The following ARFGEF2 variants were observed in gnomAD, a reference collection of about 807,000 sequenced individuals.
ARFGEF2 encodes ARF guanine nucleotide exchange factor 2, also known as brefeldin A-inhibited guanine nucleotide-exchange protein 2.
A neutral mutation model predicts 219.9 loss-of-function variants in ARFGEF2; 74 were observed. The observed-to-expected ratio is 0.34, with a 90% CI of 0.28 to 0.41. The LOEUF (loss-of-function observed/expected upper bound fraction) is 0.41, where lower values mean the gene tolerates loss of function less well. Among genes scored for constraint, ARFGEF2 ranks in the 10% least tolerant of loss-of-function variants. ARFGEF2 has a pLI of 1.00. For missense variants in ARFGEF2, 1,743 were observed against 2,218.3 expected (o/e 0.79, Z 4.30); for synonymous variants, 733 against 799.2 (o/e 0.92, Z 1.40).
intron 3 of ARFGEF2, among the ~76,000 whole-genome samples, chr20:48,943,176 A>G (rs2091004797): frequency 6.6e-6 from 1 of 152,236 alleles, no homozygotes; most frequent in Non-Finnish European, 1.5e-5. Context: ...GAGTGAAACA[A>G]GGAGGCATAG....
intron 6 of ARFGEF2, among the ~76,000 whole-genome samples, chr20:48,959,381 A>G (rs1409219472): frequency 7.8e-6 from 1 of 127,952 alleles, no homozygotes; most frequent in Non-Finnish European, 1.7e-5. Context: ...AGATGTCATG[A>G]TAAGTGAACC....
At chr20:49,024,108 A>G (rs1428380179) in intron 35 of ARFGEF2, among the ~76,000 whole-genome samples, 1 of 152,100 alleles carries the variant, frequency 6.6e-6, no homozygotes, top group East Asian at 1.9e-4. Context: ...AGTAGCTGGG[A>G]CTACAGGCAC....
At chr20:48,968,141 C>T (rs1799963269) in intron 8 of ARFGEF2, among the ~76,000 whole-genome samples, 1 of 151,542 alleles carries the variant, frequency 6.6e-6, no homozygotes, top group South Asian at 2.1e-4. Flanking sequence ...CTACAGGTGC[C>T]CACCACCACG....
intron 9 of ARFGEF2, among the ~76,000 whole-genome samples, chr20:48,970,873 T>C (rs186681467): frequency 6.6e-6 from 1 of 152,170 alleles, no homozygotes; most frequent in African/African-American, 2.4e-5. Context: ...GTTGACACTT[T>C]GCTCCTGCTG....
intron 34 of ARFGEF2, among the ~76,000 whole-genome samples, chr20:49,022,428 AC>A (rs915731381): frequency 7.0e-6 from 1 of 142,434 alleles, no homozygotes; most frequent in Non-Finnish European, 1.6e-5. Context: ...AACAACAACA[AC>A]AAAAAAAAAA....
At chr20:48,982,482 G>A (rs1234708086) in intron 14 of ARFGEF2, among the ~76,000 whole-genome samples, 1 of 152,174 alleles carries the variant, frequency 6.6e-6, no homozygotes, top group Non-Finnish European at 1.5e-5. Context: ...GAGGAGGCAG[G>A]CTGTTCTCAG....
chr20:48,950,979 A>G (rs1304866431), intron 3 of ARFGEF2, among the ~76,000 whole-genome samples: 1 of 151,146 alleles, frequency 6.6e-6, no homozygotes, highest in African/African-American at 2.4e-5. Context: ...ATCACTCCCT[A>G]TGTCTCCCTA....
At chr20:48,992,739 A>G (rs976924732) in intron 21 of ARFGEF2, among the ~76,000 whole-genome samples, 6 of 152,186 alleles carry the variant, frequency 3.9e-5, no homozygotes, top group African/African-American at 1.4e-4. Context: ...TGAGTAGTCC[A>G]TGTTAGAAAT....
intron 15 of ARFGEF2, 87 bp downstream of exon 15, chr20:48,984,927 C>CCTA: frequency 5.0e-6 from 8 of 1,602,766 alleles, no homozygotes; most frequent in Non-Finnish European, 6.0e-6. Context: ...ATTGTCTGGC[C>CCTA]CTAAGTACAT....
intron 1 of ARFGEF2, among the ~76,000 whole-genome samples, chr20:48,938,864 A>G (rs1326318425): frequency 6.6e-6 from 1 of 151,764 alleles, no homozygotes; most frequent in African/African-American, 2.4e-5. Context: ...GGGTCCTGTC[A>G]TTCTTTGATC....
chr20:48,975,352 T>C lies in ARFGEF2; in HGVS notation c.1774+478T>C, dbSNP rs147191145. Among the ~76,000 whole-genome samples, 10 of 152,260 alleles carry C rather than the reference T, an allele frequency of 6.6e-5. No individual in the cohort carries two copies. In the East Asian group the frequency reaches 1.5e-3, roughly 23 times the overall value. On this transcript the variant is annotated intron_variant, in intron 13 of 38. Transcript: ENST00000371917. Reference sequence around the variant, plus strand: ...CGTGAGCCACTGTGCCTGGCCTTCTTTCTGGATTTTCTATTCTGTTCTGTT... The same window carrying C: ...CGTGAGCCACTGTGCCTGGCCTTCTCTCTGGATTTTCTATTCTGTTCTGTT...
At chr20:49,028,263 A>G (rs1036904299) in intron 36 of ARFGEF2, among the ~76,000 whole-genome samples, 2 of 151,426 alleles carry the variant, frequency 1.3e-5, no homozygotes, top group Non-Finnish European at 2.9e-5. Context: ...TCTCAAAAAC[A>G]AAAAAAAATT....
chr20:49,005,339 A>G (rs2091451163), intron 26 of ARFGEF2, 118 bp downstream of exon 26: 2 of 1,224,720 alleles, frequency 1.6e-6, no homozygotes, highest in Non-Finnish European at 2.4e-6. Flanking sequence ...AAACAAATAG[A>G]ATGAATAGAC....
chr20:48,928,583 C>T (rs940809229), intron 1 of ARFGEF2, among the ~76,000 whole-genome samples: 6 of 150,318 alleles, frequency 4.0e-5, no homozygotes, highest in African/African-American at 1.5e-4. Flanking sequence ...CAAGCTCTGC[C>T]TCCTGGGTTC....
At chr20:48,996,799 C>CTT (rs78706444) in intron 23 of ARFGEF2, among the ~76,000 whole-genome samples, 1 of 141,780 alleles carries the variant, frequency 7.1e-6, no homozygotes, top group East Asian at 2.0e-4. Context: ...TGACAGTTTC[C>CTT]TTTTTTTTTT....
chr20:48,990,892 A>G (rs1319594063), intron 20 of ARFGEF2, 148 bp from the exon 21 acceptor site: 7 of 879,622 alleles, frequency 8.0e-6, no homozygotes, highest in Middle Eastern at 3.2e-4. Context: ...GGGCATTAGC[A>G]TGGAATAACT....
At chr20:48,973,038 G>A (rs962033304) in intron 11 of ARFGEF2, 107 bp from the exon 12 acceptor site, 28 of 1,266,216 alleles carry the variant, frequency 2.2e-5, no homozygotes, top group African/African-American at 7.4e-5. Context: ...TGTGGCCACC[G>A]GAGTCTGTAG....
intron 23 of ARFGEF2, among the ~76,000 whole-genome samples, chr20:48,997,635 C>T (rs1402396803): frequency 6.6e-6 from 1 of 152,178 alleles, no homozygotes; most frequent in African/African-American, 2.4e-5. Context: ...GCTTTCAACT[C>T]AGTTCACTTT....
rs990646554 is a variant in ARFGEF2 at position 49,036,004 on chromosome 20, A to C, written c.*2805A>C. The stretch of plus-strand genomic sequence containing the variant: ...CTTTTGTACGAAATGAAAAAAAAAA[A>C]ACCTGTATTTTTTTTGTTGTTCTTT... On this transcript the variant is annotated 3_prime_UTR_variant, in exon 39 of 39. Transcript: ENST00000371917. 2.5e-5 allele frequency: 10 copies of C among 394,684 alleles called. No individual in the cohort carries two copies. The highest frequency in any genetic ancestry group is 1.4e-4 in the South Asian group (1 of 7,020). 24.4% of individuals were successfully genotyped at this position (394,684 alleles called of 1,614,324 possible).
Sources: gnomAD v4.1 joint callset for allele counts (sites outside exome capture counted in the v4.1 genomes callset) on GRCh38, gnomAD v4.1.1 for gene constraint, MANE v1.5 for transcripts, NCBI Gene and HGNC (gene_info 2026-07-23, HGNC 2026-07-21) for gene names.